SKOR2: variants seen among roughly 807,000 people sequenced by gnomAD.
SKOR2 encodes the protein LBX1 corepressor 1-like protein.
SKOR2 carries 47 observed loss-of-function variants against 69.1 expected under a neutral mutation model. The ratio of observed to expected loss-of-function variants is 0.68; its 90% confidence interval spans 0.54 to 0.87. The LOEUF (loss-of-function observed/expected upper bound fraction) is 0.87, where lower values mean the gene tolerates loss of function less well. Ranked by LOEUF, SKOR2 falls within the 40% of genes least tolerant of loss-of-function variation. The pLI is 0.00. For missense variants in SKOR2, 1,404 were observed against 1,472.2 expected (o/e 0.95, Z 0.76); for synonymous variants, 717 against 672.6 (o/e 1.07, Z -1.02).
At chr18:47,237,186 C>A (rs1291786024) in intron 4 of SKOR2, among the ~76,000 whole-genome samples, 1 of 152,162 alleles carries the variant, frequency 6.6e-6, no homozygotes, top group Non-Finnish European at 1.5e-5. Flanking sequence ...ACATTTTGAT[C>A]CATTTGTATA....
chr18:47,229,136 C>G (rs2144493996), intron 6 of SKOR2, among the ~76,000 whole-genome samples: 1 of 152,224 alleles, frequency 6.6e-6, no homozygotes, highest in East Asian at 1.9e-4. Context: ...TTCAGTTGTG[C>G]CAGTGATTAC....
intron 8 of SKOR2, among the ~76,000 whole-genome samples, chr18:47,210,181 A>G (rs2064123741): frequency 6.6e-6 from 1 of 152,232 alleles, no homozygotes; most frequent in Admixed American, 6.5e-5. Flanking sequence ...ATTTACATAA[A>G]GTTCAAAAAC....
At chr18:47,212,808 ATAAAAAAT>A (rs979480462) in intron 7 of SKOR2, among the ~76,000 whole-genome samples, 61 of 152,098 alleles carry the variant, frequency 4.0e-4, no homozygotes, top group Non-Finnish European at 6.9e-4. Context: ...CTCTGTCTCT[ATAAAAAAT>A]TAAAAAATTA....
At chr18:47,216,536 AT>A (rs1013091672) in intron 7 of SKOR2, among the ~76,000 whole-genome samples, 17 of 152,194 alleles carry the variant, frequency 1.1e-4, no homozygotes, top group African/African-American at 4.1e-4. Context: ...ACAACTTTAC[AT>A]TTAACACGGG....
At chr18:47,221,964 C>G (rs1370927845) in intron 6 of SKOR2, among the ~76,000 whole-genome samples, 1 of 152,188 alleles carries the variant, frequency 6.6e-6, no homozygotes, top group Non-Finnish European at 1.5e-5. Flanking sequence ...AGACCTTTAT[C>G]TAAAGAAACA....
In SKOR2 at chr18:47,206,718, T is replaced by C; in HGVS notation, c.*178A>G. On this transcript the variant is annotated 3_prime_UTR_variant, in exon 9 of 9. Coordinates refer to ENST00000425639, the MANE Select transcript of SKOR2 (RefSeq NM_001278063.4). ...CCCCACTAATGAATGGCTGCTACAG[T>C]CTATTTTACATGGTTGTCCATGCTG... 6.6e-6 allele frequency: 1 copy of C among 150,876 alleles called. No homozygotes were observed. The highest frequency in any genetic ancestry group is 1.5e-5 in the Non-Finnish European group (1 of 67,792). The allele number at this position is 150,876 out of a possible 1,614,324, so 9.3% of individuals were successfully genotyped here.
chr18:47,225,909 A>T (rs1030646853), intron 6 of SKOR2, among the ~76,000 whole-genome samples: 1 of 152,154 alleles, frequency 6.6e-6, no homozygotes, highest in African/African-American at 2.4e-5. Context: ...GAGTCAGTTA[A>T]CTTAGATATA....
At chr18:47,208,738 G>A (rs1011130561) in intron 8 of SKOR2, among the ~76,000 whole-genome samples, 6 of 152,156 alleles carry the variant, frequency 3.9e-5, no homozygotes, top group African/African-American at 1.4e-4. Flanking sequence ...ATGGGCCCAG[G>A]TGAAAGGATA....
In SKOR2 at chr18:47,231,060, C is replaced by A. The variant is rs901274144; in HGVS notation, c.2753-60G>T. 9 of 1,534,592 alleles carry A rather than the reference C, an allele frequency of 5.9e-6. No homozygotes were observed. In the African/African-American group the frequency reaches 1.2e-4, roughly 21 times the overall value. On this transcript the variant is annotated intron_variant, in intron 4 of 8. Transcript: ENST00000425639. The stretch of plus-strand genomic sequence containing the variant: ...GTGTAGGCTAGTTCTGTAAGTTTTC[C>A]TTTACATTTTCTTTTAATATCTGCA...
At chr18:47,250,034 G>C (rs1252688945) in intron 1 of SKOR2, among the ~76,000 whole-genome samples, 1 of 152,166 alleles carries the variant, frequency 6.6e-6, no homozygotes, top group Non-Finnish European at 1.5e-5. Context: ...TTTCCATGAC[G>C]ATAAGAAAGT....
intron 6 of SKOR2, among the ~76,000 whole-genome samples, chr18:47,224,575 C>G (rs988383965): frequency 6.6e-6 from 1 of 151,930 alleles, no homozygotes; most frequent in Non-Finnish European, 1.5e-5. Flanking sequence ...AATTTGTTTA[C>G]AAATGTCTTC....
chr18:47,245,132 T>A, intron 3 of SKOR2, 150 bp from the exon 4 acceptor site: 1 of 647,808 alleles, frequency 1.5e-6, no homozygotes, highest in Non-Finnish European at 2.6e-6. Context: ...ATCAGAAGGC[T>A]CTAGGTATTC....
chr18:47,248,051 C>A lies in SKOR2; in HGVS notation c.1133G>T (p.Arg378Leu). The A allele has an allele frequency of 7.0e-7, 1 of 1,435,074 alleles. No homozygotes were observed. Among genetic ancestry groups the A allele is most frequent in the South Asian group, 1.4e-5 (1 of 72,338 alleles). 88.9% of individuals were successfully genotyped at this position (1,435,074 alleles called of 1,614,324 possible). ...AGAGAGAKGPRSYPVIPVPSK... is the reference protein window; with the variant it reads ...AGAGAGAKGPLSYPVIPVPSK... ...GGGCACCGGGATGACTGGGTAGCTGCGCGGGCCTTTGGCCCCTGCCCCGGC... is the reference window on the plus strand; with the variant it reads ...GGGCACCGGGATGACTGGGTAGCTGAGCGGGCCTTTGGCCCCTGCCCCGGC... Residue 378 changes from arginine (R) to leucine (L), a missense_variant, in exon 2 of 9, where the codon CGC (arginine) becomes CTC (leucine). Around this residue, in one of 3 missense-constraint regions of SKOR2, gnomAD observed 1,266 missense variants for 1,309.9 expected, o/e 0.97. Coordinates refer to ENST00000425639, the MANE Select transcript of SKOR2 (RefSeq NM_001278063.4). The surrounding 1 kb of genome is among the most constrained non-coding windows in gnomAD (Gnocchi z 6.4).
chr18:47,215,933 G>A (rs748291715), intron 7 of SKOR2, among the ~76,000 whole-genome samples: 4 of 152,154 alleles, frequency 2.6e-5, no homozygotes, highest in Non-Finnish European at 5.9e-5. Flanking sequence ...CTTATACACA[G>A]ATGCACTTGC....
rs1476802845 is a variant in SKOR2 at position 47,238,312 on chromosome 18, TTTCTTTTC to T, written c.2752+6588_2752+6595del. Among the ~76,000 whole-genome samples, 1,068 of 146,018 alleles carry T rather than the reference TTTCTTTTC, an allele frequency of 7.3e-3. 12 individuals carry two copies. Among genetic ancestry groups the T allele is most frequent in the African/African-American group, 0.026 (1,004 of 39,192 alleles). On this transcript the variant is annotated intron_variant, in intron 4 of 8. Transcript: ENST00000425639. ...TAAATTTAGTAAATAATTTTTTTCT[TTTCTTTTC>T]TTTTTTTTTTTTTTTTTTTTGAGAG...
At chr18:47,236,784 T>A (rs2089245239) in intron 4 of SKOR2, among the ~76,000 whole-genome samples, 1 of 152,208 alleles carries the variant, frequency 6.6e-6, no homozygotes, top group African/African-American at 2.4e-5. Context: ...TATTATTTTT[T>A]TTTTATAGCA....
chr18:47,220,119 A>T, intron 6 of SKOR2, 109 bp from the exon 7 acceptor site: 1 of 889,192 alleles, frequency 1.1e-6, no homozygotes. Flanking sequence ...CCTACTTTTA[A>T]GTATTTTTTT....
chr18:47,220,122 A>AT, intron 6 of SKOR2, 112 bp from the exon 7 acceptor site: 2 of 808,034 alleles, frequency 2.5e-6, no homozygotes, highest in Middle Eastern at 2.7e-4. Context: ...ACTTTTAAGT[A>AT]TTTTTTTCAT....
chr18:47,243,911 A>G (rs1164601185), intron 4 of SKOR2, among the ~76,000 whole-genome samples: 2 of 152,222 alleles, frequency 1.3e-5, no homozygotes, highest in African/African-American at 4.8e-5. Context: ...CCTCAGCATC[A>G]TCAACCAAAA....
Sources: allele counts gnomAD v4.1 joint callset (sites outside exome capture counted in the v4.1 genomes callset), GRCh38; gene constraint gnomAD v4.1.1; regional missense constraint gnomAD v4.1.1; non-coding constraint Gnocchi (gnomAD v3.1); transcripts MANE v1.5; gene names NCBI Gene and HGNC (gene_info 2026-07-23, HGNC 2026-07-21).